The following DRC10 variants were observed in gnomAD, a reference collection of about 807,000 sequenced individuals.
The protein encoded by DRC10 is IQ domain-containing protein D.
At chr12:113,195,493 G>A in the DRC10 span, 20 of 1,472,006 alleles carry the variant, frequency 1.4e-5, no homozygotes, top group South Asian at 4.3e-5. Context: ...CATGAAAGCC[G>A]TGAATTTAGT....
At chr12:113,217,593 G>A in the DRC10 span, among the ~76,000 whole-genome samples, 3 of 152,154 alleles carry the variant, frequency 2.0e-5, no homozygotes, top group East Asian at 1.9e-4. Context: ...GTGCAGTGGC[G>A]TAATCTCGGC....
chr12:113,200,186 T>A, the DRC10 span: 1 of 355,066 alleles, frequency 2.8e-6, no homozygotes, highest in African/African-American at 2.1e-5. Flanking sequence ...TGGGCAGGAG[T>A]TGAGTAATTA....
the DRC10 span, among the ~76,000 whole-genome samples, chr12:113,209,030 C>A: frequency 7.9e-5 from 12 of 152,188 alleles, no homozygotes; most frequent in Non-Finnish European, 1.6e-4. Flanking sequence ...CTCCTGGGTT[C>A]AAGTGATTCT....
the DRC10 span, among the ~76,000 whole-genome samples, chr12:113,204,925 CAA>C: frequency 7.0e-6 from 1 of 142,970 alleles, no homozygotes; most frequent in Admixed American, 7.0e-5. Flanking sequence ...AAGACTGTCT[CAA>C]AAAAAAAAAA....
At chr12:113,211,846 C>T in the DRC10 span, among the ~76,000 whole-genome samples, 5 of 151,284 alleles carry the variant, frequency 3.3e-5, no homozygotes, top group South Asian at 6.3e-4. Flanking sequence ...AGGGAAGATT[C>T]CTTGAGCCCA....
the DRC10 span, chr12:113,200,812 A>G: frequency 1.3e-6 from 2 of 1,526,112 alleles, no homozygotes; most frequent in Non-Finnish European, 1.8e-6. Flanking sequence ...CTCCTTTTCC[A>G]CCTAAGCCAG....
At chr12:113,213,418 T>A in the DRC10 span, among the ~76,000 whole-genome samples, 1 of 152,224 alleles carries the variant, frequency 6.6e-6, no homozygotes, top group Non-Finnish European at 1.5e-5. Context: ...AGGAATACCA[T>A]TTTAACATTA....
the DRC10 span, chr12:113,208,472 G>T: frequency 3.4e-6 from 2 of 580,530 alleles, no homozygotes; most frequent in Non-Finnish European, 2.4e-6. Context: ...TCAGGCACAT[G>T]TGTCAGGCGG....
chr12:113,206,601 CAG>C, the DRC10 span, among the ~76,000 whole-genome samples: 1 of 152,096 alleles, frequency 6.6e-6, no homozygotes, highest in Admixed American at 6.6e-5. Context: ...ACCCTTTCTG[CAG>C]AGAGTAAACT....
chr12:113,209,707 C>T, the DRC10 span, among the ~76,000 whole-genome samples: 1 of 152,226 alleles, frequency 6.6e-6, no homozygotes, highest in Non-Finnish European at 1.5e-5. Flanking sequence ...TTGACAAACA[C>T]ATCAAGGTTA....
At chr12:113,204,948 G>A in the DRC10 span, among the ~76,000 whole-genome samples, 1 of 151,784 alleles carries the variant, frequency 6.6e-6, no homozygotes, top group African/African-American at 2.4e-5. Context: ...ATAGTTCGCT[G>A]ATCCCTAGCT....
At chr12:113,211,335 T>G in the DRC10 span, among the ~76,000 whole-genome samples, 1 of 152,116 alleles carries the variant, frequency 6.6e-6, no homozygotes, top group African/African-American at 2.4e-5. Context: ...AAAGATAACT[T>G]CAACTCACCA....
the DRC10 span, among the ~76,000 whole-genome samples, chr12:113,196,976 C>G: frequency 6.6e-6 from 1 of 152,218 alleles, no homozygotes; most frequent in East Asian, 1.9e-4. Flanking sequence ...TTGCTTAAGG[C>G]CACACAGCTG....
the DRC10 span, among the ~76,000 whole-genome samples, chr12:113,210,778 A>G: frequency 6.6e-6 from 1 of 150,526 alleles, no homozygotes; most frequent in Non-Finnish European, 1.5e-5. Flanking sequence ...ACCATCTGAC[A>G]TCCCTATATG....
chr12:113,200,562 C>T, the DRC10 span: 15 of 1,507,340 alleles, frequency 1.0e-5, no homozygotes, highest in East Asian at 1.5e-4. Flanking sequence ...GGCCCATCCT[C>T]GCTGCTTCCC....
chr12:113,198,728 A>G, the DRC10 span, among the ~76,000 whole-genome samples: 1 of 152,206 alleles, frequency 6.6e-6, no homozygotes, highest in Admixed American at 6.5e-5. Flanking sequence ...GTGGCACAAC[A>G]TCGTGAATAT....
At chr12:113,201,965 A>C in the DRC10 span, among the ~76,000 whole-genome samples, 1 of 152,210 alleles carries the variant, frequency 6.6e-6, no homozygotes, top group African/African-American at 2.4e-5. Flanking sequence ...GTTCAATGAC[A>C]TGAAATTTGC....
At chr12:113,213,176 TAA>T in the DRC10 span, among the ~76,000 whole-genome samples, 1,394 of 63,548 alleles carry the variant, frequency 0.022, 30 homozygotes, top group East Asian at 0.18. Context: ...CAGAGGGTGC[TAA>T]AAAAAAAAAA....
the DRC10 span, among the ~76,000 whole-genome samples, chr12:113,213,183 A>C: frequency 1.2e-3 from 175 of 150,148 alleles, no homozygotes; most frequent in South Asian, 0.01. Flanking sequence ...TGCTAAAAAA[A>C]AAAAAAAAAA....
Sources: gnomAD v4.1 joint callset for allele counts (sites outside exome capture counted in the v4.1 genomes callset) on GRCh38, gnomAD v4.1.1 for gene constraint, MANE v1.5 for transcripts, NCBI Gene and HGNC (gene_info 2026-07-23, HGNC 2026-07-21) for gene names.